Variants in CHCHD6 observed in about 807,000 individuals in gnomAD.
CHCHD6 encodes the protein MICOS complex subunit MIC25.
CHCHD6 carries 28 observed loss-of-function variants against 32.3 expected under a neutral mutation model. That is an observed-to-expected ratio of 0.87 (90% CI 0.64 to 1.19). The LOEUF (loss-of-function observed/expected upper bound fraction) is 1.19, where lower values mean the gene tolerates loss of function less well. Among genes scored for constraint, CHCHD6 ranks in the 50% most tolerant of loss-of-function variants. The pLI is 0.00. For synonymous variants in CHCHD6, 122 were observed against 117.5 expected, an observed-to-expected ratio of 1.04 and a Z score of -0.25; for missense variants, 333 against 307.0, an observed-to-expected ratio of 1.08 and a Z score of -0.63.
chr3:126,708,969 A>G (rs1211452348), intron 1 of CHCHD6, among the ~76,000 whole-genome samples: 2 of 152,164 alleles, frequency 1.3e-5, no homozygotes. Flanking sequence ...ATGGATACCA[A>G]AATCCTTGGA....
intron 6 of CHCHD6, among the ~76,000 whole-genome samples, chr3:126,939,802 A>T (rs2078533608): frequency 6.6e-6 from 1 of 152,206 alleles, no homozygotes; most frequent in Non-Finnish European, 1.5e-5. Context: ...GGCATCATTT[A>T]TTCTCCCCTT....
chr3:126,895,226 C>T (rs913911395), intron 5 of CHCHD6, among the ~76,000 whole-genome samples: 1 of 152,174 alleles, frequency 6.6e-6, no homozygotes, highest in African/African-American at 2.4e-5. Flanking sequence ...ATCTAATTGC[C>T]TCATTTTGCT....
At position 126,732,944 on chromosome 3, in the gene CHCHD6, C is replaced by T. The variant is rs138462113; in HGVS notation, c.267-134C>T. The T allele has an allele frequency of 1.1e-3, 1,008 of 932,144 alleles. 11 individuals carry two copies. In the African/African-American group the frequency reaches 0.014, roughly 13 times the overall value. 57.7% of individuals were successfully genotyped at this position (932,144 alleles called of 1,614,324 possible). ...GGGGCATGCGGTTTCACAGCACTCT[C>T]TCCTTTCCTGACCAGCCGCTGGCTG... On this transcript the variant is annotated intron_variant, in intron 3 of 7. Transcript: ENST00000290913.
chr3:126,855,241 A>G (rs1461391507), intron 5 of CHCHD6, among the ~76,000 whole-genome samples: 3 of 152,192 alleles, frequency 2.0e-5, no homozygotes, highest in Non-Finnish European at 4.4e-5. Context: ...AACTTTGAGT[A>G]TGGTGTAACT....
At chr3:126,779,728 C>G (rs7636611) in intron 4 of CHCHD6, among the ~76,000 whole-genome samples, 14 of 152,156 alleles carry the variant, frequency 9.2e-5, no homozygotes, top group African/African-American at 2.9e-4. Context: ...TTGAGTTGTC[C>G]TGGCATGCTT....
intron 4 of CHCHD6, among the ~76,000 whole-genome samples, chr3:126,759,343 C>G (rs1937081190): frequency 6.6e-6 from 1 of 152,214 alleles, no homozygotes; most frequent in Non-Finnish European, 1.5e-5. Flanking sequence ...AGAACATTCT[C>G]CTGTCTCACC....
intron 5 of CHCHD6, among the ~76,000 whole-genome samples, chr3:126,854,356 A>AT (rs1319282835): frequency 6.6e-6 from 1 of 152,038 alleles, no homozygotes; most frequent in Non-Finnish European, 1.5e-5. Flanking sequence ...GCTGGTGATA[A>AT]TAAAAAAAAA....
At chr3:126,908,734 G>C in intron 5 of CHCHD6, among the ~76,000 whole-genome samples, 1 of 152,278 alleles carries the variant, frequency 6.6e-6, no homozygotes, top group African/African-American at 2.4e-5. Context: ...TTGAGTAGGA[G>C]ATTTTTAGTT....
intron 6 of CHCHD6, among the ~76,000 whole-genome samples, chr3:126,920,918 C>T (rs1020464825): frequency 3.9e-5 from 6 of 152,170 alleles, no homozygotes; most frequent in East Asian, 1.9e-4. Flanking sequence ...GTCCTAGTTG[C>T]GTTGGTCCTT....
chr3:126,908,814 C>T (rs140711966), intron 5 of CHCHD6, among the ~76,000 whole-genome samples: 10 of 152,348 alleles, frequency 6.6e-5, no homozygotes, highest in African/African-American at 2.2e-4. Flanking sequence ...CATTGTCATT[C>T]GATTCCCACA....
chr3:126,892,309 C>A (rs1206876168), intron 5 of CHCHD6, among the ~76,000 whole-genome samples: 2 of 152,208 alleles, frequency 1.3e-5, no homozygotes, highest in Non-Finnish European at 2.9e-5. Flanking sequence ...TGCAAAGCCT[C>A]AAACAACAGC....
At chr3:126,956,901 G>A (rs2078793097) in intron 6 of CHCHD6, 1 of 156,834 alleles carries the variant, frequency 6.4e-6, no homozygotes, top group African/African-American at 2.4e-5. Context: ...ACGCATATTA[G>A]TTTTAAATCA....
At chr3:126,742,953 A>G (rs1419653773) in intron 4 of CHCHD6, among the ~76,000 whole-genome samples, 1 of 152,028 alleles carries the variant, frequency 6.6e-6, no homozygotes. Context: ...GGTGGTGGTC[A>G]CCCTGGTAGT....
At chr3:126,858,663 G>T (rs368996329) in intron 5 of CHCHD6, among the ~76,000 whole-genome samples, 6 of 152,168 alleles carry the variant, frequency 3.9e-5, no homozygotes, top group African/African-American at 1.2e-4. Context: ...TAGGCTACTC[G>T]CCTTATGGAG....
chr3:126,831,297 T>C (rs1312722965), intron 4 of CHCHD6, among the ~76,000 whole-genome samples: 2 of 152,066 alleles, frequency 1.3e-5, no homozygotes, highest in Non-Finnish European at 2.9e-5. Flanking sequence ...AGTGCTGAGA[T>C]TACAGGCATA....
chr3:126,881,386 C>T (rs922703426), intron 5 of CHCHD6, among the ~76,000 whole-genome samples: 2 of 152,208 alleles, frequency 1.3e-5, no homozygotes, highest in Non-Finnish European at 2.9e-5. Flanking sequence ...TGCCTTTCCA[C>T]AGGGCTCTGT....
At chr3:126,707,561 G>A (rs1934551536) in intron 1 of CHCHD6, among the ~76,000 whole-genome samples, 1 of 152,150 alleles carries the variant, frequency 6.6e-6, no homozygotes, top group Non-Finnish European at 1.5e-5. Flanking sequence ...CGCCCTTTTT[G>A]GTGATTCAGC....
intron 4 of CHCHD6, among the ~76,000 whole-genome samples, chr3:126,804,310 C>T (rs962355681): frequency 9.2e-5 from 14 of 151,856 alleles, no homozygotes; most frequent in South Asian, 4.2e-4. Context: ...ATTGATAGAC[C>T]GCTAGCAAGA....
intron 4 of CHCHD6, among the ~76,000 whole-genome samples, chr3:126,785,041 T>A (rs1226028623): frequency 6.6e-6 from 1 of 152,204 alleles, no homozygotes; most frequent in Non-Finnish European, 1.5e-5. Flanking sequence ...AATGTTTAAT[T>A]CCCATGTTTC....
Sources: allele counts gnomAD v4.1 joint callset (sites outside exome capture counted in the v4.1 genomes callset), GRCh38; gene constraint gnomAD v4.1.1; transcripts MANE v1.5; gene names NCBI Gene and HGNC (gene_info 2026-07-23, HGNC 2026-07-21).